The following NDRG2 variants were observed in gnomAD, a reference collection of about 807,000 sequenced individuals.
NDRG2 encodes the protein NDRG family member 2.
Under a neutral mutation model 58.2 loss-of-function variants are expected in NDRG2, and 34 were observed. The ratio of observed to expected loss-of-function variants is 0.58; its 90% CI spans 0.44 to 0.78. The LOEUF (loss-of-function observed/expected upper bound fraction) is 0.78, where lower values mean the gene tolerates loss of function less well. Ranked by LOEUF, NDRG2 falls within the 30% of genes least tolerant of loss-of-function variation. NDRG2 has a pLI of 0.00. For missense variants in NDRG2, 434 were observed against 471.2 expected, an observed-to-expected ratio of 0.92 and a Z score of 0.73; for synonymous variants, 187 against 175.9, an observed-to-expected ratio of 1.06 and a Z score of -0.50.
Position 21,024,775 on chromosome 14 carries a change from G to A in NDRG2, c.-752C>T. 1.2e-5 allele frequency: 12 copies of A among 985,574 alleles called. No individual in the cohort carries two copies. The highest frequency in any genetic ancestry group is 1.4e-5 in the Non-Finnish European group (12 of 830,058). 61.1% of individuals were successfully genotyped at this position (985,574 alleles called of 1,614,324 possible). A position where few individuals can be genotyped will look rare whatever the true frequency, so the allele number is the denominator to read the frequency against. On this transcript the variant is annotated 5_prime_UTR_variant, in exon 1 of 16. The change creates a new upstream start codon in the 5' untranslated region. Coordinates refer to ENST00000556147, the MANE Select transcript of NDRG2 (RefSeq NM_001320329.2). ...GTCCCTACGAGTCCCTACGCAGCCC[G>A]TCCGCGTGGAGACTGACACCCTTGC...
intron 1 of NDRG2, chr14:21,036,120 A>C: frequency 8.9e-6 from 4 of 450,520 alleles, no homozygotes; most frequent in South Asian, 1.6e-5. Flanking sequence ...GCCTGAGTCC[A>C]TCAGTCACAC....
At chr14:21,046,567 A>G (rs1011775529) in intron 1 of NDRG2, among the ~76,000 whole-genome samples, 2 of 151,712 alleles carry the variant, frequency 1.3e-5, no homozygotes, top group African/African-American at 4.8e-5. Flanking sequence ...ACATACATAC[A>G]TACATACATA....
intron 11 of NDRG2, 33 bp from the exon 12 acceptor site, chr14:21,018,847 G>GC (rs772048638): frequency 6.0e-5 from 96 of 1,613,312 alleles, no homozygotes; most frequent in Middle Eastern, 1.6e-4. Flanking sequence ...AAGGCAGTGA[G>GC]CCCCTGGCAC....
At chr14:21,039,695 T>A (rs1340875879) in intron 1 of NDRG2, among the ~76,000 whole-genome samples, 3 of 152,246 alleles carry the variant, frequency 2.0e-5, no homozygotes, top group South Asian at 4.1e-4. Context: ...AGATTTCAGT[T>A]GAATTGCACG....
chr14:21,024,678 C>T lies in NDRG2; in HGVS notation c.-655G>A, dbSNP rs1029883745. On this transcript the variant is annotated 5_prime_UTR_variant, in exon 1 of 16. Transcript: ENST00000556147. ...CTTCTCCCGTTCTCCCCCGACGGCC[C>T]GCGAAGGCAAGCGCCATCGGGAAGG... is the stretch of plus-strand genomic sequence containing the variant. 5.1e-6 allele frequency: 5 copies of T among 985,392 alleles called. No homozygotes were observed. The highest frequency in any genetic ancestry group is 6.0e-6 in the Non-Finnish European group (5 of 830,014). 61.0% of individuals were successfully genotyped at this position (985,392 alleles called of 1,614,324 possible).
At chr14:21,017,855 T>C (rs1324028813) in intron 15 of NDRG2, 93 bp from the exon 16 acceptor site, 1 of 1,602,054 alleles carries the variant, frequency 6.2e-7, no homozygotes, top group Non-Finnish European at 8.5e-7. Context: ...ATGGACTAGT[T>C]ATAACTAAGC....
chr14:21,018,601 C>G, intron 12 of NDRG2, 97 bp from the exon 13 acceptor site: 1 of 1,556,030 alleles, frequency 6.4e-7, no homozygotes, highest in Non-Finnish European at 8.7e-7. Flanking sequence ...CCTTTTCTAT[C>G]AGCTCCCTAC....
intron 1 of NDRG2, among the ~76,000 whole-genome samples, chr14:21,034,996 G>T (rs555316784): frequency 1.3e-5 from 2 of 152,344 alleles, no homozygotes; most frequent in South Asian, 4.1e-4. Context: ...GTGGCAAGGT[G>T]AGTAGGAAAG....
At chr14:21,018,883 T>C (rs1266865674) in intron 11 of NDRG2, 69 bp from the exon 12 acceptor site, 2 of 1,582,018 alleles carry the variant, frequency 1.3e-6, no homozygotes, top group Non-Finnish European at 8.6e-7. Context: ...TGCCTAGGAG[T>C]GCAGCTGGAA....
At position 21,018,518 on chromosome 14, in the gene NDRG2, G is replaced by A. The variant is rs771227656; in HGVS notation, c.814-14C>T. On this transcript the variant is annotated splice_polypyrimidine_tract_variant and intron_variant, in intron 12 of 15. Transcript: ENST00000556147. ...GTTACATTCCACCTGGAGTAAGCAG[G>A]AGGCTGAATGAATGAGGTCACGCCC... The A allele has an allele frequency of 7.4e-6, 12 of 1,613,582 alleles. No individual in the cohort carries two copies. The highest frequency in any genetic ancestry group is 5.0e-5 in the Admixed American group (3 of 59,974).
intron 15 of NDRG2, 75 bp downstream of exon 15, chr14:21,017,912 A>G (rs374144090): frequency 2.5e-6 from 4 of 1,612,272 alleles, no homozygotes; most frequent in Non-Finnish European, 3.4e-6. Context: ...GAGTCCAGGC[A>G]TTCACCTAAA....
At chr14:21,039,548 G>A (rs577196084) in intron 1 of NDRG2, among the ~76,000 whole-genome samples, 6 of 151,994 alleles carry the variant, frequency 3.9e-5, no homozygotes, top group Non-Finnish European at 2.9e-5. Context: ...ATCTTTTTCT[G>A]TTGCCCCATG....
intron 1 of NDRG2, among the ~76,000 whole-genome samples, chr14:21,069,811 C>T (rs1163455326): frequency 1.3e-5 from 2 of 152,208 alleles, no homozygotes; most frequent in Non-Finnish European, 2.9e-5. Flanking sequence ...GCCCTGGGTC[C>T]TGCCAAAGTC....
intron 1 of NDRG2, among the ~76,000 whole-genome samples, chr14:21,038,753 T>C (rs577253108): frequency 6.6e-6 from 1 of 152,294 alleles, no homozygotes; most frequent in South Asian, 2.1e-4. Flanking sequence ...GGAGGGCTTG[T>C]GAGACAAGGC....
intron 1 of NDRG2, among the ~76,000 whole-genome samples, chr14:21,046,542 A>AATAC (rs71112542): frequency 0.12 from 13,538 of 109,752 alleles, 689 homozygotes; most frequent in Admixed American, 0.13. Context: ...TCTCAAAACA[A>AATAC]ATACATACAT....
At position 21,039,148 on chromosome 14, in the gene NDRG2, C is replaced by T. The variant is rs117600898; in HGVS notation, c.25-15827G>A. ...TGAAGGGTAGGCACCAATCCAGGCC[C>T]GGCCCTCCTCTCTCCCTTCCCCCTT... is the stretch of plus-strand genomic sequence containing the variant. On this transcript the variant is annotated intron_variant, in intron 1 of 14. Coordinates refer to the NDRG2 transcript ENST00000403829. Among the ~76,000 whole-genome samples, 253 of 152,276 alleles carry T rather than the reference C, an allele frequency of 1.7e-3. 5 individuals carry two copies. The East Asian group carries it at 0.045, about 27-fold the overall frequency.
intron 1 of NDRG2, among the ~76,000 whole-genome samples, chr14:21,053,136 T>C (rs768712840): frequency 6.6e-5 from 10 of 152,090 alleles, no homozygotes; most frequent in Non-Finnish European, 1.0e-4. Flanking sequence ...ATATAACTGG[T>C]AGGTAGTGAA....
chr14:21,042,091 C>T (rs1884923790), intron 1 of NDRG2: 2 of 152,218 alleles, frequency 1.3e-5, no homozygotes, highest in African/African-American at 4.8e-5. Context: ...TCAGTTGACA[C>T]CTGGGTCAGG....
chr14:21,054,576 G>A (rs1398199418), intron 1 of NDRG2, among the ~76,000 whole-genome samples: 1 of 152,172 alleles, frequency 6.6e-6, no homozygotes, highest in African/African-American at 2.4e-5. Flanking sequence ...TCACTTCAAA[G>A]GCTGGCAGCT....
Sources: allele counts gnomAD v4.1 joint callset (sites outside exome capture counted in the v4.1 genomes callset), GRCh38; gene constraint gnomAD v4.1.1; transcripts MANE v1.5; gene names NCBI Gene and HGNC (gene_info 2026-07-23, HGNC 2026-07-21).